The following DENND4C variants were observed in gnomAD, a reference collection of about 807,000 sequenced individuals.
The protein encoded by DENND4C is DENN domain containing 4C.
In DENND4C, 108 loss-of-function variants were observed where a neutral mutation model predicts 203.0. That is an observed-to-expected ratio of 0.53 (90% CI 0.46 to 0.62). The LOEUF (loss-of-function observed/expected upper bound fraction) is 0.62, where lower values mean the gene tolerates loss of function less well. DENND4C is among the 20% of genes least tolerant of loss of function. The pLI is 0.00. For synonymous variants in DENND4C, 871 were observed against 792.4 expected (o/e 1.10, Z -1.67); for missense variants, 2,481 against 2,301.2 (o/e 1.08, Z -1.60).
chr9:19,305,301 T>C, intron 9 of DENND4C, 51 bp from the exon 10 acceptor site: 1 of 1,526,842 alleles, frequency 6.5e-7, no homozygotes, highest in Non-Finnish European at 8.9e-7. Flanking sequence ...ACTTATATAT[T>C]TTTTATTGCA....
Position 19,272,363 on chromosome 9 carries a change from T to A in DENND4C, c.-17-3795T>A, listed in dbSNP as rs770213810. Among the ~76,000 whole-genome samples the A allele has an allele frequency of 1.4e-3, 218 of 151,556 alleles. 3 individuals carry two copies. Among genetic ancestry groups the A allele is most frequent in the Middle Eastern group, 3.4e-3 (1 of 294 alleles). On this transcript the variant is annotated intron_variant, in intron 1 of 32. Coordinates refer to ENST00000434457, the MANE Select transcript of DENND4C (RefSeq NM_001330640.2). ...TGAACCTGGGAGGCAGAGGTTGCAG[T>A]GAGCCGAGATTGCGCCATTGCACTC...
intron 26 of DENND4C, among the ~76,000 whole-genome samples, chr9:19,353,951 CT>C (rs1293171211): frequency 6.6e-6 from 1 of 152,110 alleles, no homozygotes; most frequent in Admixed American, 6.6e-5. Flanking sequence ...AAGGGTGGAG[CT>C]AAGTCAAATC....
chr9:19,246,357 C>G (rs957904633), intron 1 of DENND4C, among the ~76,000 whole-genome samples: 2 of 152,176 alleles, frequency 1.3e-5, no homozygotes, highest in African/African-American at 4.8e-5. Context: ...ATTGCTGTGT[C>G]TGCTTGTCCT....
chr9:19,262,448 CT>C (rs59268086), intron 1 of DENND4C, among the ~76,000 whole-genome samples: 30,687 of 133,938 alleles, frequency 0.23, 3,667 homozygotes, highest in East Asian at 0.43. Context: ...TATATCATAT[CT>C]TTTTTTTTTT....
intron 1 of DENND4C, among the ~76,000 whole-genome samples, chr9:19,261,828 T>G (rs187425028): frequency 6.6e-6 from 1 of 152,076 alleles, no homozygotes; most frequent in African/African-American, 2.4e-5. Context: ...GTGTGTGTGT[T>G]CTCTTTAATT....
chr9:19,366,899 A>G (rs188404092), intron 30 of DENND4C, among the ~76,000 whole-genome samples: 11 of 152,376 alleles, frequency 7.2e-5, no homozygotes, highest in Non-Finnish European at 1.3e-4. Flanking sequence ...TAAACCATCA[A>G]AAAAGTGAAA....
chr9:19,280,432 CCT>C (rs1833826771), intron 2 of DENND4C, among the ~76,000 whole-genome samples: 1 of 152,074 alleles, frequency 6.6e-6, no homozygotes, highest in South Asian at 2.1e-4. Context: ...GGCATGAGCC[CCT>C]GTGCCCCGCC....
At chr9:19,239,620 G>C (rs1700829569) in intron 1 of DENND4C, among the ~76,000 whole-genome samples, 1 of 152,016 alleles carries the variant, frequency 6.6e-6, no homozygotes, top group African/African-American at 2.4e-5. Flanking sequence ...CCGAGTAGCT[G>C]GGATTACAAG....
chr9:19,334,900 A>G (rs1186289257), intron 17 of DENND4C, 77 bp from the exon 18 acceptor site: 2 of 1,340,422 alleles, frequency 1.5e-6, no homozygotes, highest in East Asian at 5.0e-5. Context: ...CTTCATGGAA[A>G]GAATTCAGTA....
At chr9:19,304,008 G>A (rs568195653) in intron 9 of DENND4C, among the ~76,000 whole-genome samples, 1 of 145,944 alleles carries the variant, frequency 6.9e-6, no homozygotes, top group East Asian at 2.0e-4. Context: ...GCCTTAACAT[G>A]TTTTAGTCTT....
At chr9:19,332,567 GT>G (rs1819476199) in intron 17 of DENND4C, among the ~76,000 whole-genome samples, 1 of 144,116 alleles carries the variant, frequency 6.9e-6, no homozygotes, top group African/African-American at 2.6e-5. Context: ...GTCTCACCGT[GT>G]TGGCCAGGCT....
chr9:19,346,227 G>A lies in DENND4C; in HGVS notation c.3458G>A (p.Ser1153Asn). The change falls in exon 23 of 33, where the codon AGC becomes AAC. Residue 1153 changes from serine (S) to asparagine (N), a missense_variant. Physicochemically the swap from Ser to Asn is conservative, Grantham distance 46 (BLOSUM62 1). Around this residue, in one of 3 missense-constraint regions of DENND4C, gnomAD observed 2,289 missense variants for 2,113.3 expected, o/e 1.08. Coordinates refer to ENST00000434457, the MANE Select transcript of DENND4C (RefSeq NM_001330640.2). ...AGAACCCATAGCTTTGAGAATGTTA[G>A]CTGTCACCTACCTGATAGTAGGACT... ...IARTHSFENV[S>N]CHLPDSRTCM... is the part of the protein sequence containing the mutation. 1 of 1,614,168 alleles carries A rather than the reference G, an allele frequency of 6.2e-7. No homozygotes were observed. Among genetic ancestry groups the A allele is most frequent in the South Asian group, 1.1e-5 (1 of 91,074 alleles).
At chr9:19,252,524 G>A (rs1006373962) in intron 1 of DENND4C, among the ~76,000 whole-genome samples, 3 of 152,120 alleles carry the variant, frequency 2.0e-5, no homozygotes, top group African/African-American at 7.2e-5. Context: ...TAAGGCTGTG[G>A]TGAGCTATAA....
chr9:19,296,067 A>T lies in DENND4C; in HGVS notation c.861A>T (p.Lys287Asn). Residue 287 changes from lysine to asparagine, a missense_variant, in exon 6 of 33, where the codon AAA becomes AAT. This residue lies in a region of DENND4C where 2,289 missense variants were observed against 2,113.3 expected (regional missense o/e 1.08). Coordinates refer to ENST00000434457, the MANE Select transcript of DENND4C (RefSeq NM_001330640.2). Reference sequence around the variant, plus strand: ...ACTCTCGGGAACTTCTATCAGAGAAACAGCTTATGCACCTGGGCTTGTTGA... The same window carrying T: ...ACTCTCGGGAACTTCTATCAGAGAATCAGCTTATGCACCTGGGCTTGTTGA... The part of the protein sequence containing the change: ...EPYSRELLSE[K>N]QLMHLGLLTP... 6.2e-7 allele frequency: 1 copy of T among 1,614,150 alleles called. No homozygotes were observed. The highest frequency in any genetic ancestry group is 8.5e-7 in the Non-Finnish European group (1 of 1,180,012).
At chr9:19,284,078 G>T (rs923321964) in intron 2 of DENND4C, among the ~76,000 whole-genome samples, 1 of 152,092 alleles carries the variant, frequency 6.6e-6, no homozygotes, top group African/African-American at 2.4e-5. Flanking sequence ...CTAGATGATA[G>T]ACTGTAGAAT....
chr9:19,365,563 T>C (rs966118828), intron 30 of DENND4C, among the ~76,000 whole-genome samples: 1 of 151,888 alleles, frequency 6.6e-6, no homozygotes, highest in Admixed American at 6.6e-5. Flanking sequence ...AGAAAAGGCA[T>C]CCAAACTGGA....
At position 19,256,225 on chromosome 9, in the gene DENND4C, T is replaced by G. The variant is rs899953968; in HGVS notation, c.-17-19933T>G. 1.4e-4 allele frequency among the ~76,000 whole-genome samples: 22 copies of G among 152,052 alleles called. 2 individuals carry two copies. The highest frequency in any genetic ancestry group is 4.6e-4 in the Admixed American group (7 of 15,274). On this transcript the variant is annotated intron_variant, in intron 1 of 32. Transcript: ENST00000434457. Reference sequence around the variant, plus strand: ...AGTAACAGAAAGATTCTTGGAAAATTCCCAAGTACTGAATTTGGAAACTGA... The same window carrying G: ...AGTAACAGAAAGATTCTTGGAAAATGCCCAAGTACTGAATTTGGAAACTGA...
chr9:19,360,370 T>C lies in DENND4C; in HGVS notation c.5287T>C (p.Phe1763Leu). 6.2e-7 allele frequency: 1 copy of C among 1,614,166 alleles called. No individual in the cohort carries two copies. The highest frequency in any genetic ancestry group is 8.5e-7 in the Non-Finnish European group (1 of 1,179,996). The change falls in exon 29 of 33, where the codon TTC becomes CTC. Residue 1763 changes from phenylalanine to leucine, a missense_variant. By Grantham distance (22) the Phe-to-Leu change is conservative. Around this residue, in one of 3 missense-constraint regions of DENND4C, gnomAD observed 2,289 missense variants for 2,113.3 expected, o/e 1.08. Transcript: ENST00000434457. ...EGDQVIHTSS[F>L]INQHPIIFWN... is the part of the protein sequence containing the mutation. Reference sequence around the variant, plus strand: ...TGATCAGGTGATTCATACATCTTCTTTCATCAATCAACATCCAATCATTTT... The same window carrying C: ...TGATCAGGTGATTCATACATCTTCTCTCATCAATCAACATCCAATCATTTT...
At chr9:19,310,028 C>T (rs533090586) in intron 10 of DENND4C, among the ~76,000 whole-genome samples, 1 of 152,134 alleles carries the variant, frequency 6.6e-6, no homozygotes, top group East Asian at 1.9e-4. Flanking sequence ...TTATTTATTC[C>T]TAAGTATCTT....
Sources: allele counts gnomAD v4.1 joint callset (sites outside exome capture counted in the v4.1 genomes callset), GRCh38; gene constraint gnomAD v4.1.1; regional missense constraint gnomAD v4.1.1; transcripts MANE v1.5; gene names NCBI Gene and HGNC (gene_info 2026-07-23, HGNC 2026-07-21).